LPCAT3: variants seen among roughly 807,000 people sequenced by gnomAD.
LPCAT3 encodes lysophospholipid acyltransferase 5.
LPCAT3 carries 21 observed loss-of-function variants against 63.4 expected under a neutral mutation model. The observed-to-expected ratio is 0.33, with a 90% CI of 0.23 to 0.48. LPCAT3 has a LOEUF of 0.48. LPCAT3 is among the 20% of genes least tolerant of loss of function. The pLI, the probability that LPCAT3 is intolerant of heterozygous loss-of-function variation, is 0.99. For synonymous variants in LPCAT3, 242 were observed against 227.5 expected (o/e 1.06, Z -0.58); for missense variants, 451 against 590.6 (o/e 0.76, Z 2.45).
chr12:7,004,845 C>T (rs1946715366), intron 1 of LPCAT3, among the ~76,000 whole-genome samples: 1 of 152,214 alleles, frequency 6.6e-6, no homozygotes, highest in African/African-American at 2.4e-5. Context: ...ACTTCCTTAG[C>T]TTGCCATTCA....
intron 1 of LPCAT3, chr12:6,997,194 ATTTC>A (rs1251338485): frequency 6.6e-6 from 1 of 152,012 alleles, no homozygotes; most frequent in Non-Finnish European, 1.5e-5. Flanking sequence ...TTATGTTTTT[ATTTC>A]TTTATTTTTT....
chr12:6,988,391 G>A (rs782609584), intron 1 of LPCAT3: 1 of 152,264 alleles, frequency 6.6e-6, no homozygotes, highest in Non-Finnish European at 1.5e-5. Flanking sequence ...TGACAACCCA[G>A]GCTGATTTTG....
chr12:6,988,859 G>T (rs781858824), intron 1 of LPCAT3, among the ~76,000 whole-genome samples: 1 of 152,256 alleles, frequency 6.6e-6, no homozygotes, highest in South Asian at 2.1e-4. Context: ...GGGCGCCGTG[G>T]CTCACGCCTG....
chr12:6,991,638 AAT>A (rs1946591120), intron 1 of LPCAT3, among the ~76,000 whole-genome samples: 2 of 152,184 alleles, frequency 1.3e-5, no homozygotes, highest in Non-Finnish European at 2.9e-5. Flanking sequence ...ACTGGCTACA[AAT>A]ATTGTCATTT....
intron 1 of LPCAT3, among the ~76,000 whole-genome samples, chr12:6,992,035 T>C (rs1946594349): frequency 6.6e-6 from 1 of 151,374 alleles, no homozygotes; most frequent in Non-Finnish European, 1.5e-5. Flanking sequence ...CTACTAAAAA[T>C]ACAAAAATTA....
At chr12:6,983,295 T>C in intron 2 of LPCAT3, 137 bp downstream of exon 2, 1 of 663,452 alleles carries the variant, frequency 1.5e-6, no homozygotes, top group Non-Finnish European at 2.7e-6. Context: ...GCTGTGTTCC[T>C]CTTCATACAA....
intron 1 of LPCAT3, among the ~76,000 whole-genome samples, chr12:6,983,911 G>C (rs1946497431): frequency 6.6e-6 from 1 of 152,120 alleles, no homozygotes; most frequent in Non-Finnish European, 1.5e-5. Flanking sequence ...GGGAGGCTGA[G>C]GCAAGGGGAT....
At chr12:6,997,914 A>G (rs117989564) in intron 1 of LPCAT3, among the ~76,000 whole-genome samples, 6,671 of 151,820 alleles carry the variant, frequency 0.044, 236 homozygotes, top group African/African-American at 0.098. Flanking sequence ...TTTTTAGTAG[A>G]GTAGGGTTTC....
chr12:7,007,272 A>G (rs755176936), intron 1 of LPCAT3, among the ~76,000 whole-genome samples: 107 of 151,790 alleles, frequency 7.0e-4, no homozygotes, highest in Non-Finnish European at 9.6e-4. Context: ...GCTGGTCTCA[A>G]ACTCCTGACC....
chr12:7,016,593 CAAAT>C (rs1555157633), intron 1 of LPCAT3, among the ~76,000 whole-genome samples: 1 of 152,058 alleles, frequency 6.6e-6, no homozygotes, highest in Admixed American at 6.6e-5. Context: ...TTTGTAGAGA[CAAAT>C]AAAATGTTGC....
intron 1 of LPCAT3, among the ~76,000 whole-genome samples, chr12:6,990,229 G>A (rs1208600385): frequency 1.3e-5 from 2 of 150,534 alleles, no homozygotes; most frequent in African/African-American, 4.9e-5. Context: ...AAAAATATAA[G>A]CGGGGCACGG....
At chr12:6,990,689 G>A (rs989994527) in intron 1 of LPCAT3, among the ~76,000 whole-genome samples, 10 of 151,450 alleles carry the variant, frequency 6.6e-5, no homozygotes, top group Admixed American at 2.6e-4. Context: ...TTGGGAGGCC[G>A]AGGTGGGTGG....
rs1946809742 is a variant in LPCAT3 at position 7,018,367 on chromosome 12, G to C, written c.58C>G (p.Gln20Glu). Reference sequence around the variant, plus strand: ...AGGCTCAGCTCCTGGAAACCCGACTGCAGAACCCCCGCCAGCGCCACCACA... The same window carrying C: ...AGGCTCAGCTCCTGGAAACCCGACTCCAGAACCCCCGCCAGCGCCACCACA... ...GTVVALAGVLQSGFQELSLNK... is the reference protein window; with the variant it reads ...GTVVALAGVLESGFQELSLNK... Residue 20 changes from glutamine to glutamate, a missense_variant, in exon 1 of 13, where the codon CAG becomes GAG. Around this residue, in one of 3 missense-constraint regions of LPCAT3, gnomAD observed 133 missense variants for 152.1 expected, o/e 0.87. Transcript: ENST00000261407. The surrounding 1 kb of genome is among the most constrained non-coding windows in gnomAD (Gnocchi z 4.9). The C allele has an allele frequency of 6.2e-7, 1 of 1,612,252 alleles. No individual in the cohort carries two copies. The highest frequency in any genetic ancestry group is 8.5e-7 in the Non-Finnish European group (1 of 1,179,236).
Position 6,981,092 on chromosome 12 carries a change from A to G in LPCAT3, c.589T>C (p.Phe197Leu). Reference sequence around the variant, plus strand: ...ATTGAGAACTGGGGCCCTACCAAGAAGGCCCCATAGAAGTAGGAGAAACCA... The same window carrying G: ...ATTGAGAACTGGGGCCCTACCAAGAGGGCCCCATAGAAGTAGGAGAAACCA... Reference protein sequence around the residue: ...VAGFSYFYGAFLVGPQFSMNH... With the variant: ...VAGFSYFYGALLVGPQFSMNH... Residue 197 changes from phenylalanine (F) to leucine (L), a missense_variant, in exon 6 of 13, where the codon TTC becomes CTC. This residue lies in a region of LPCAT3 where 304 missense variants were observed against 390.8 expected (regional missense o/e 0.78). Coordinates refer to ENST00000261407, the MANE Select transcript of LPCAT3 (RefSeq NM_005768.6). The G allele has an allele frequency of 6.2e-7, 1 of 1,613,896 alleles. No homozygotes were observed. The highest frequency in any genetic ancestry group is 2.2e-5 in the East Asian group (1 of 44,886).
intron 1 of LPCAT3, among the ~76,000 whole-genome samples, chr12:7,011,895 T>C (rs1946766646): frequency 6.6e-6 from 1 of 152,324 alleles, no homozygotes; most frequent in South Asian, 2.1e-4. Flanking sequence ...TTAATGCTGC[T>C]TAATTTTCAT....
Position 6,978,483 on chromosome 12 carries a change from G to C in LPCAT3, c.898C>G (p.Leu300Val). ...VTEGVCILTG[L>V]GFNGFEEKGK... ...TTTTCTTCAAAGCCATTGAAGCCCA[G>C]GCCCGTCAAAATGCATACTCCTTCC... The change falls in exon 9 of 13, where the codon CTG becomes GTG. Residue 300 changes from leucine to valine, a missense_variant. Around this residue, in one of 3 missense-constraint regions of LPCAT3, gnomAD observed 304 missense variants for 390.8 expected, o/e 0.78. Coordinates refer to ENST00000261407, the MANE Select transcript of LPCAT3 (RefSeq NM_005768.6). The C allele has an allele frequency of 6.2e-7, 1 of 1,613,784 alleles. No individual in the cohort carries two copies. The highest frequency in any genetic ancestry group is 1.1e-5 in the South Asian group (1 of 91,068).
chr12:6,978,789 T>C, intron 7 of LPCAT3, 100 bp from the exon 8 acceptor site: 2 of 1,522,858 alleles, frequency 1.3e-6, no homozygotes, highest in Non-Finnish European at 1.8e-6. Flanking sequence ...ACTTCATACC[T>C]GCCTGAGTCC....
Position 6,978,484 on chromosome 12 carries a change from G to T in LPCAT3, c.897C>A (p.Gly299=). ...TTTCTTCAAAGCCATTGAAGCCCAG[G>T]CCCGTCAAAATGCATACTCCTTCCT... ...LVTEGVCILT[G]LGFNGFEEKG... The change falls in exon 9 of 13, where the codon GGC becomes GGA. Residue 299 remains glycine, a synonymous_variant. Coordinates refer to ENST00000261407, the MANE Select transcript of LPCAT3 (RefSeq NM_005768.6). 6.2e-7 allele frequency: 1 copy of T among 1,613,716 alleles called. No individual in the cohort carries two copies. Among genetic ancestry groups the T allele is most frequent in the Non-Finnish European group, 8.5e-7 (1 of 1,179,690 alleles).
rs16933021 is a variant in LPCAT3 at position 6,984,304 on chromosome 12, A to G, written c.152-765T>C. ...CAGAGGATCTTCTGATGGGTCATGA[A>G]CTGATTATACATGGCCAAGGGTTGC... is the stretch of plus-strand genomic sequence containing the variant. On this transcript the variant is annotated intron_variant, in intron 1 of 12. Transcript: ENST00000261407. Among the ~76,000 whole-genome samples the G allele has an allele frequency of 8.6e-3, 1,311 of 152,362 alleles. 13 individuals are homozygous for G. The highest frequency in any genetic ancestry group is 0.03 in the African/African-American group (1,242 of 41,578).
Sources: gnomAD v4.1 joint callset for allele counts (sites outside exome capture counted in the v4.1 genomes callset) on GRCh38, gnomAD v4.1.1 for gene constraint, gnomAD v4.1.1 regional missense constraint, Gnocchi (gnomAD v3.1) non-coding constraint, MANE v1.5 for transcripts, NCBI Gene and HGNC (gene_info 2026-07-23, HGNC 2026-07-21) for gene names.